Variants in PTPRT observed in about 807,000 individuals in gnomAD.
PTPRT encodes the protein receptor-type tyrosine-protein phosphatase T.
A neutral mutation model predicts 176.8 loss-of-function variants in PTPRT; 56 were observed. The ratio of observed to expected loss-of-function variants is 0.32; its 90% CI spans 0.26 to 0.40. The LOEUF is 0.40. Ranked by LOEUF, PTPRT falls within the 10% of genes least tolerant of loss-of-function variation. PTPRT has a pLI of 1.00. For missense variants in PTPRT, 1,540 were observed against 1,908.2 expected, an observed-to-expected ratio of 0.81 and a Z score of 3.60; for synonymous variants, 783 against 739.0, an observed-to-expected ratio of 1.06 and a Z score of -0.96.
chr20:42,362,185 T>C (rs2058440292), intron 9 of PTPRT, among the ~76,000 whole-genome samples: 1 of 152,116 alleles, frequency 6.6e-6, no homozygotes, highest in Admixed American at 6.5e-5. Context: ...GAGGATTGCG[T>C]GAGCCAGGGA....
At chr20:42,091,264 G>GGGGGT (rs1984588516) in intron 27 of PTPRT, among the ~76,000 whole-genome samples, 1 of 152,170 alleles carries the variant, frequency 6.6e-6, no homozygotes, top group African/African-American at 2.4e-5. Flanking sequence ...GATGTCCTTG[G>GGGGGT]GGGGTGCAAG....
intron 7 of PTPRT, among the ~76,000 whole-genome samples, chr20:42,663,166 C>A (rs1178592589): frequency 6.6e-6 from 1 of 152,036 alleles, no homozygotes; most frequent in African/African-American, 2.4e-5. Flanking sequence ...CCTCCCCCAA[C>A]CCCACTTAAT....
intron 16 of PTPRT, among the ~76,000 whole-genome samples, chr20:42,170,137 C>A: frequency 6.6e-6 from 1 of 152,132 alleles, no homozygotes; most frequent in Admixed American, 6.5e-5. Context: ...ATGAGGGGAG[C>A]TGGGCTGAGG....
At chr20:42,864,291 A>T (rs1317210802) in intron 2 of PTPRT, among the ~76,000 whole-genome samples, 1 of 152,222 alleles carries the variant, frequency 6.6e-6, no homozygotes, top group Non-Finnish European at 1.5e-5. Context: ...GATGAACATT[A>T]CAGCCCACCT....
At chr20:42,072,618 G>A (rs73269496), downstream of PTPRT, 1,599 of 176,768 alleles carry the variant, frequency 9.0e-3, 23 homozygotes, top group African/African-American at 0.036. Context: ...TCTGCAAAGA[G>A]GGAATAATAT....
rs112279068 is a variant in PTPRT at position 42,108,217 on chromosome 20, C to T, written c.3255-1296G>A. Among the ~76,000 whole-genome samples the T allele has an allele frequency of 3.6e-3, 549 of 150,546 alleles. 3 individuals are homozygous for T. Among genetic ancestry groups the T allele is most frequent in the African/African-American group, 0.013 (517 of 40,624 alleles). On this transcript the variant is annotated intron_variant, in intron 23 of 30. Coordinates refer to ENST00000373187, the MANE Select transcript of PTPRT (RefSeq NM_007050.6). ...GATTTCTGATGCTTTTAACATACCT[C>T]CCTGCAGGGTCCTTGTGAGGACAAA... is the stretch of plus-strand genomic sequence containing the variant.
chr20:42,617,301 G>C, intron 7 of PTPRT, among the ~76,000 whole-genome samples: 1 of 136,794 alleles, frequency 7.3e-6, no homozygotes, highest in Non-Finnish European at 1.5e-5. Flanking sequence ...ACTTGATCAT[G>C]GTGGATAAGC....
chr20:42,688,802 A>G (rs1438470908), intron 6 of PTPRT, among the ~76,000 whole-genome samples: 8 of 152,132 alleles, frequency 5.3e-5, no homozygotes, highest in Non-Finnish European at 5.9e-5. Flanking sequence ...AGGCAGGTAC[A>G]TGAAGGCTGG....
In PTPRT at chr20:43,000,318, C is replaced by A. The variant is rs74539794; in HGVS notation, c.89-114386G>T. On this transcript the variant is annotated intron_variant, in intron 1 of 30. Coordinates refer to ENST00000373187, the MANE Select transcript of PTPRT (RefSeq NM_007050.6). ...GACTATTTCAGAATAAGTAAGAGAC[C>A]TGAAAATATACACTTCCATTCCAAA... Among the ~76,000 whole-genome samples the A allele has an allele frequency of 8.9e-4, 134 of 150,880 alleles. 1 individual carries two copies. In the East Asian group the frequency reaches 0.011, roughly 12 times the overall value.
chr20:42,717,672 C>A (rs2076245589), intron 6 of PTPRT, among the ~76,000 whole-genome samples: 1 of 151,642 alleles, frequency 6.6e-6, no homozygotes, highest in Non-Finnish European at 1.5e-5. Flanking sequence ...TCTTTAAAAT[C>A]AAAACTGTTA....
intron 8 of PTPRT, among the ~76,000 whole-genome samples, chr20:42,449,081 G>A (rs2070782052): frequency 6.6e-6 from 1 of 152,104 alleles, no homozygotes; most frequent in Non-Finnish European, 1.5e-5. Context: ...AACTTTAGGA[G>A]TGCTTCATCA....
chr20:42,042,215 G>A, the PTPRT span, among the ~76,000 whole-genome samples: 2 of 152,120 alleles, frequency 1.3e-5, no homozygotes, highest in African/African-American at 2.4e-5. Flanking sequence ...CTGCCCTTTG[G>A]TTTACATTTT....
At chr20:42,271,515 C>T (rs2056935161) in intron 13 of PTPRT, among the ~76,000 whole-genome samples, 1 of 152,216 alleles carries the variant, frequency 6.6e-6, no homozygotes, top group African/African-American at 2.4e-5. Context: ...TCCTTGAAAG[C>T]AGACACGGTG....
intron 1 of PTPRT, among the ~76,000 whole-genome samples, chr20:43,116,861 ATTAGATAGCTC>A (rs2013080657): frequency 6.6e-6 from 1 of 152,204 alleles, no homozygotes; most frequent in Non-Finnish European, 1.5e-5. Flanking sequence ...GCATGGCTGT[ATTAGATAGCTC>A]TTGCAACAAA....
the PTPRT span, among the ~76,000 whole-genome samples, chr20:42,039,755 A>G: frequency 3.9e-4 from 57 of 144,994 alleles, no homozygotes; most frequent in African/African-American, 1.3e-3. Flanking sequence ...ATTTATGTAT[A>G]TATATATACC....
At chr20:43,128,838 C>T (rs1281752118) in intron 1 of PTPRT, among the ~76,000 whole-genome samples, 3 of 152,220 alleles carry the variant, frequency 2.0e-5, no homozygotes, top group East Asian at 1.9e-4. Flanking sequence ...CCTTCTCCCA[C>T]AGCTGCCCAC....
At chr20:42,398,837 T>C (rs149110045) in intron 9 of PTPRT, among the ~76,000 whole-genome samples, 1,159 of 152,366 alleles carry the variant, frequency 7.6e-3, no homozygotes, top group Admixed American at 0.014. Context: ...GTTAGCAACC[T>C]GAGCTGTTCT....
intron 1 of PTPRT, among the ~76,000 whole-genome samples, chr20:43,074,104 T>C (rs1374295639): frequency 6.6e-6 from 1 of 152,026 alleles, no homozygotes; most frequent in East Asian, 1.9e-4. Context: ...ATTAAATAAA[T>C]GTTATGGGCC....
intron 1 of PTPRT, among the ~76,000 whole-genome samples, chr20:43,114,930 A>G (rs2012997933): frequency 6.6e-6 from 1 of 152,128 alleles, no homozygotes; most frequent in Admixed American, 6.6e-5. Context: ...TTATTTTACC[A>G]AAAAAAGAGC....
Sources: allele counts gnomAD v4.1 joint callset (sites outside exome capture counted in the v4.1 genomes callset), GRCh38; gene constraint gnomAD v4.1.1; transcripts MANE v1.5; gene names NCBI Gene and HGNC (gene_info 2026-07-23, HGNC 2026-07-21).